Variants in NRXN3 observed in about 807,000 individuals in gnomAD.
NRXN3 encodes the protein neurexin III.
Under a neutral mutation model 137.6 loss-of-function variants are expected in NRXN3, and 32 were observed. The observed-to-expected ratio is 0.23, with a 90% confidence interval of 0.18 to 0.31. The LOEUF (loss-of-function observed/expected upper bound fraction) is 0.31, where lower values mean the gene tolerates loss of function less well. NRXN3 is among the 10% of genes least tolerant of loss of function. The pLI, the probability that NRXN3 is intolerant of heterozygous loss-of-function variation, is 1.00. For synonymous variants in NRXN3, 798 were observed against 784.5 expected (o/e 1.02, Z -0.29); for missense variants, 1,574 against 2,062.5 (o/e 0.76, Z 4.59).
intron 4 of NRXN3, among the ~76,000 whole-genome samples, chr14:78,528,728 G>A (rs2096416687): frequency 6.6e-6 from 1 of 152,122 alleles, no homozygotes; most frequent in South Asian, 2.1e-4. Context: ...TCAGAATGAG[G>A]TGAGTGAGGC....
intron 4 of NRXN3, among the ~76,000 whole-genome samples, chr14:78,609,319 T>A: frequency 6.6e-6 from 1 of 150,570 alleles, no homozygotes; most frequent in East Asian, 1.9e-4. Context: ...GTGGCACAGG[T>A]GAAAGTAAAC....
At chr14:79,536,523 C>T (rs985296729) in intron 16 of NRXN3, among the ~76,000 whole-genome samples, 2 of 151,420 alleles carry the variant, frequency 1.3e-5, no homozygotes, top group African/African-American at 2.4e-5. Context: ...TAGGTAAATG[C>T]ATTCCATGGT....
At chr14:79,218,007 C>T (rs756167675) in intron 15 of NRXN3, among the ~76,000 whole-genome samples, 1 of 152,126 alleles carries the variant, frequency 6.6e-6, no homozygotes, top group Non-Finnish European at 1.5e-5. Context: ...ATATCTGACA[C>T]GTAAATAAAG....
In NRXN3 at chr14:79,517,822, G is replaced by A. The variant is rs183791160; in HGVS notation, c.3444+50420G>A. 1.2e-3 allele frequency among the ~76,000 whole-genome samples: 178 copies of A among 143,108 alleles called. 1 individual carries two copies. The highest frequency in any genetic ancestry group is 2.9e-3 in the African/African-American group (113 of 38,546). The allele number at this position is 143,108 out of a possible 152,430, so 93.9% of individuals were successfully genotyped here. A position where few individuals can be genotyped will look rare whatever the true frequency, so the allele number is the denominator to read the frequency against. Reference sequence around the variant, plus strand: ...TGCACATTTTTCAATTCTGAAACCTGTACAATAGATTTCAGAATCTAAAAG... The same window carrying A: ...TGCACATTTTTCAATTCTGAAACCTATACAATAGATTTCAGAATCTAAAAG... On this transcript the variant is annotated intron_variant, in intron 16 of 20. Transcript: ENST00000335750.
chr14:79,649,178 A>G (rs1189372056), intron 16 of NRXN3, among the ~76,000 whole-genome samples: 2 of 152,116 alleles, frequency 1.3e-5, no homozygotes, highest in Admixed American at 1.3e-4. Context: ...ATCACTGAAC[A>G]TGGGTGTCAC....
At chr14:78,762,713 A>G (rs1205873981) in intron 8 of NRXN3, among the ~76,000 whole-genome samples, 1 of 152,208 alleles carries the variant, frequency 6.6e-6, no homozygotes, top group African/African-American at 2.4e-5. Flanking sequence ...AAAAAGGATA[A>G]AATGGGATAA....
intron 19 of NRXN3, among the ~76,000 whole-genome samples, chr14:79,773,438 C>A (rs1374783954): frequency 2.6e-5 from 4 of 152,086 alleles, no homozygotes; most frequent in Non-Finnish European, 5.9e-5. Flanking sequence ...CCATGGAATA[C>A]TATGCAGCCA....
intron 4 of NRXN3, among the ~76,000 whole-genome samples, chr14:78,570,214 C>T (rs1053400993): frequency 6.6e-6 from 1 of 152,072 alleles, no homozygotes; most frequent in Admixed American, 6.5e-5. Context: ...AATCCATGCC[C>T]TTAGAAAAAG....
At chr14:79,284,410 A>G (rs1286549239) in intron 15 of NRXN3, among the ~76,000 whole-genome samples, 3 of 136,186 alleles carry the variant, frequency 2.2e-5, no homozygotes, top group African/African-American at 8.1e-5. Context: ...CATCTGCCTA[A>G]AAAATGCTTC....
intron 4 of NRXN3, among the ~76,000 whole-genome samples, chr14:78,539,740 G>A (rs1044897114): frequency 2.6e-5 from 4 of 152,030 alleles, no homozygotes; most frequent in Non-Finnish European, 5.9e-5. Context: ...TTCTCTTGTG[G>A]GCATTTAGTG....
chr14:78,757,409 T>TAAAAAAAA (rs59969129), intron 8 of NRXN3, among the ~76,000 whole-genome samples: 171 of 138,588 alleles, frequency 1.2e-3, no homozygotes, highest in African/African-American at 4.5e-3. Flanking sequence ...TTCCATCTCT[T>TAAAAAAAA]AAAAAAAAAA....
chr14:79,515,161 T>C (rs2096970573), intron 16 of NRXN3, among the ~76,000 whole-genome samples: 1 of 150,500 alleles, frequency 6.6e-6, no homozygotes, highest in African/African-American at 2.5e-5. Context: ...AAGTTTAGCA[T>C]GCAGGATGTT....
chr14:78,823,980 T>G (rs1230343821), intron 10 of NRXN3, among the ~76,000 whole-genome samples: 1 of 152,090 alleles, frequency 6.6e-6, no homozygotes, highest in Non-Finnish European at 1.5e-5. Context: ...GTGGTTGGTT[T>G]TTAGGAAGGG....
intron 15 of NRXN3, among the ~76,000 whole-genome samples, chr14:79,289,189 T>C (rs1598343593): frequency 6.6e-6 from 1 of 152,182 alleles, no homozygotes; most frequent in East Asian, 1.9e-4. Context: ...TTTCCTCTAC[T>C]TCTCAGTCCT....
intron 10 of NRXN3, among the ~76,000 whole-genome samples, chr14:78,845,111 G>A (rs1323600273): frequency 6.6e-6 from 1 of 151,880 alleles, no homozygotes; most frequent in Non-Finnish European, 1.5e-5. Context: ...AAAATATAAA[G>A]AGTAGTATAG....
chr14:78,891,390 G>A (rs1597052191), intron 10 of NRXN3, among the ~76,000 whole-genome samples: 2 of 152,072 alleles, frequency 1.3e-5, no homozygotes, highest in East Asian at 1.9e-4. Context: ...TGACTATAGC[G>A]TCTGTGTTTT....
chr14:79,429,306 C>T (rs757870145), intron 15 of NRXN3, among the ~76,000 whole-genome samples: 2 of 152,116 alleles, frequency 1.3e-5, no homozygotes, highest in African/African-American at 2.4e-5. Context: ...CATAGGGCTC[C>T]GTTGTCTGGC....
In NRXN3 at chr14:79,697,793, T is replaced by C. The variant is rs751813970; in HGVS notation, c.3870T>C (p.Val1290=). 8 of 1,613,124 alleles carry C rather than the reference T, an allele frequency of 5.0e-6. No individual in the cohort carries two copies. The East Asian group carries it at 1.6e-4, about 31-fold the overall frequency. The change falls in exon 19 of 21, where the codon GTT becomes GTC. Residue 1290 remains valine, a synonymous_variant. Coordinates refer to ENST00000335750, the MANE Select transcript of NRXN3 (RefSeq NM_001330195.2). ...CCAATATTAAAATCAATGGAAGTGT[T>C]CGGCTGGTTGGAGAAGTCCCATCAA... The part of the protein sequence containing the change: ...NNPNIKINGS[V]RLVGEVPSIL...
chr14:78,875,216 A>G (rs1029125215), intron 10 of NRXN3, among the ~76,000 whole-genome samples: 8 of 152,240 alleles, frequency 5.3e-5, no homozygotes, highest in Non-Finnish European at 8.8e-5. Context: ...CAAAACAACT[A>G]GGTCTGAGCA....
Sources: gnomAD v4.1 joint callset for allele counts (sites outside exome capture counted in the v4.1 genomes callset) on GRCh38, gnomAD v4.1.1 for gene constraint, MANE v1.5 for transcripts, NCBI Gene and HGNC (gene_info 2026-07-23, HGNC 2026-07-21) for gene names.